COL9A1: variants seen among roughly 807,000 people sequenced by gnomAD.
The protein encoded by COL9A1 is collagen alpha-1(IX) chain.
In COL9A1, 104 loss-of-function variants were observed where a neutral mutation model predicts 142.6. That is an observed-to-expected ratio of 0.73 (90% CI 0.62 to 0.86). COL9A1 has a LOEUF of 0.86. Among genes scored for constraint, COL9A1 ranks in the 40% least tolerant of loss-of-function variants. The probability of loss-of-function intolerance (pLI) is 0.00; values close to 1 mark genes in which losing one functional copy is unlikely to be tolerated. For missense variants in COL9A1, 1,210 were observed against 1,176.6 expected, an observed-to-expected ratio of 1.03 and a Z score of -0.42; for synonymous variants, 466 against 396.0, an observed-to-expected ratio of 1.18 and a Z score of -2.10.
intron 21 of COL9A1, among the ~76,000 whole-genome samples, chr6:70,256,067 A>G (rs1190177256): frequency 6.6e-6 from 1 of 152,128 alleles, no homozygotes; most frequent in Non-Finnish European, 1.5e-5. Flanking sequence ...ATGACAGCAC[A>G]CATAACCCCA....
At chr6:70,223,334 GTTTC>G (rs796606487) in intron 37 of COL9A1, among the ~76,000 whole-genome samples, 9 of 152,258 alleles carry the variant, frequency 5.9e-5, no homozygotes, top group African/African-American at 1.4e-4. Flanking sequence ...CATGGATTGA[GTTTC>G]TTTATTTCTC....
chr6:70,297,141 G>A (rs1039066602), intron 4 of COL9A1, among the ~76,000 whole-genome samples: 1 of 152,032 alleles, frequency 6.6e-6, no homozygotes, highest in Admixed American at 6.6e-5. Context: ...TTATGTTAAA[G>A]GTAGGAAAGA....
intron 5 of COL9A1, among the ~76,000 whole-genome samples, chr6:70,285,612 A>G (rs748261514): frequency 1.4e-4 from 21 of 152,262 alleles, no homozygotes; most frequent in Non-Finnish European, 2.4e-4. Context: ...ATGTCCCAAT[A>G]GAAGCCAAAC....
At chr6:70,254,754 C>A (rs1318775018) in intron 24 of COL9A1, 9 of 679,948 alleles carry the variant, frequency 1.3e-5, no homozygotes, top group Non-Finnish European at 2.0e-5. Context: ...ATCAACAGGG[C>A]AATTTTACTG....
rs73747748 is a variant in COL9A1, at chr6:70,292,951, C to T, written c.696+1216G>A. ...GAGTCTACAAGCCAGAGCAGTAACA[C>T]GGCAGTTACAAATTGCTTCCCGTCC... On this transcript the variant is annotated intron_variant, in intron 5 of 37. Coordinates refer to ENST00000357250, the MANE Select transcript of COL9A1 (RefSeq NM_001851.6). Among the ~76,000 whole-genome samples the T allele has an allele frequency of 9.6e-3, 1,456 of 152,292 alleles. 17 individuals carry two copies. The highest frequency in any genetic ancestry group is 0.033 in the African/African-American group (1,369 of 41,570).
chr6:70,302,115 C>T (rs759637117), intron 1 of COL9A1, 41 bp from the exon 2 acceptor site: 76 of 1,401,756 alleles, frequency 5.4e-5, no homozygotes, highest in Middle Eastern at 1.8e-4. Flanking sequence ...CAGGAGTCCC[C>T]GCAGATGGAA....
At position 70,256,885 on chromosome 6, in the gene COL9A1, A is replaced by G. The variant is rs1771338780; in HGVS notation, c.1450-64T>C. ...GTCATGTATGTTAAAGGAAGCATCC[A>G]TCTTTCTAAAGAAATTTAATAGCCA... On this transcript the variant is annotated intron_variant, in intron 20 of 37. Transcript: ENST00000357250. The G allele has an allele frequency of 2.7e-6, 4 of 1,492,674 alleles. No homozygotes were observed. In the African/African-American group the frequency reaches 5.5e-5, roughly 21 times the overall value. The allele number at this position is 1,492,674 out of a possible 1,614,324, so 92.5% of individuals were successfully genotyped here. A position where few individuals can be genotyped will look rare whatever the true frequency, so the allele number is the denominator to read the frequency against.
intron 37 of COL9A1, among the ~76,000 whole-genome samples, chr6:70,223,588 TA>T (rs1430875803): frequency 3.3e-5 from 5 of 152,234 alleles, no homozygotes; most frequent in Non-Finnish European, 5.9e-5. Context: ...GACTTGAGCA[TA>T]TGCACGGTGT....
At position 70,264,023 on chromosome 6, in the gene COL9A1, T is replaced by G. The variant is rs143305055; in HGVS notation, c.1342-726A>C. Among the ~76,000 whole-genome samples the G allele has an allele frequency of 3.1e-3, 473 of 152,024 alleles. 1 individual carries two copies. The highest frequency in any genetic ancestry group is 0.011 in the African/African-American group (439 of 41,538). On this transcript the variant is annotated intron_variant, in intron 18 of 37. Transcript: ENST00000357250. Reference sequence around the variant, plus strand: ...CCAATAATAGATTCTCTCCACACAGTTTTCAAAATTCATCCTTAACATATA... The same window carrying G: ...CCAATAATAGATTCTCTCCACACAGGTTTCAAAATTCATCCTTAACATATA...
chr6:70,233,733 A>G (rs1363816906), intron 35 of COL9A1, among the ~76,000 whole-genome samples: 3 of 152,228 alleles, frequency 2.0e-5, no homozygotes, highest in Non-Finnish European at 4.4e-5. Flanking sequence ...TGCTTTTCAA[A>G]TATAGAAGTG....
intron 2 of COL9A1, among the ~76,000 whole-genome samples, chr6:70,301,006 A>G (rs1226684655): frequency 2.0e-5 from 3 of 152,182 alleles, no homozygotes; most frequent in Non-Finnish European, 4.4e-5. Context: ...AATTCGTTCT[A>G]AGAGATCAAA....
intron 10 of COL9A1, chr6:70,279,975 C>G (rs1252821654): frequency 2.9e-6 from 2 of 689,732 alleles, no homozygotes; most frequent in Non-Finnish European, 2.7e-6. Context: ...CCATTTCTTA[C>G]TTCACTTCAT....
Position 70,217,451 on chromosome 6 carries a change from T to C in COL9A1, c.2582-370A>G, listed in dbSNP as rs546784496. Reference sequence around the variant, plus strand: ...ACACACCTGGATTTTAAAGACTTGATATGAAAAAATGTAAAATAGTTCATT... The same window carrying C: ...ACACACCTGGATTTTAAAGACTTGACATGAAAAAATGTAAAATAGTTCATT... On this transcript the variant is annotated intron_variant, in intron 37 of 37. Transcript: ENST00000357250. Among the ~76,000 whole-genome samples the C allele has an allele frequency of 1.4e-4, 22 of 152,318 alleles. No individual in the cohort carries two copies. In the Middle Eastern group the frequency reaches 0.014, roughly 94 times the overall value.
chr6:70,294,196 G>A lies in COL9A1; in HGVS notation c.667C>T (p.Leu223Phe). 1 of 1,613,994 alleles carries A rather than the reference G, an allele frequency of 6.2e-7. No individual in the cohort carries two copies. Among genetic ancestry groups the A allele is most frequent in the Non-Finnish European group, 8.5e-7 (1 of 1,179,918 alleles). The change falls in exon 5 of 38, where the codon CTT becomes TTT. Residue 223 changes from leucine (L) to phenylalanine (F), a missense_variant. Transcript: ENST00000357250. ...ACAGAAACTTGAGGATTATCTGCAA[G>A]TTTTCCCAGCACAGCAAAGCCATCA... ...DIDGFAVLGKLADNPQVSVPF... is the reference protein window; with the variant it reads ...DIDGFAVLGKFADNPQVSVPF...
Position 70,242,027 on chromosome 6 carries a change from C to A in COL9A1, c.1935G>T (p.Leu645=). Residue 645 remains leucine (L), a synonymous_variant, in exon 30 of 38, where the codon CTG becomes CTT. Coordinates refer to ENST00000357250, the MANE Select transcript of COL9A1 (RefSeq NM_001851.6). ...SPGLPGKLGS[L]GSPGLPGLPG... ...GCAAGCCAGGGAGGCCAGGGCTACC[C>A]AGAGAACCCTGGAAAGCAAAAACAA... 1 of 1,594,186 alleles carries A rather than the reference C, an allele frequency of 6.3e-7. No homozygotes were observed. Among genetic ancestry groups the A allele is most frequent in the Non-Finnish European group, 8.6e-7 (1 of 1,168,832 alleles).
intron 4 of COL9A1, 27 bp from the exon 5 acceptor site, chr6:70,294,590 A>T: frequency 6.2e-7 from 1 of 1,609,938 alleles, no homozygotes; most frequent in Non-Finnish European, 8.5e-7. Context: ...AATAGTAAAC[A>T]TGCATCTTGT....
At position 70,271,643 on chromosome 6, in the gene COL9A1, T is replaced by G; in HGVS notation, c.1143+12A>C. The G allele has an allele frequency of 6.2e-7, 1 of 1,612,594 alleles. No homozygotes were observed. The highest frequency in any genetic ancestry group is 1.7e-5 in the Admixed American group (1 of 60,022). The stretch of plus-strand genomic sequence containing the variant: ...TCAGCAAACGTCTATCAAAGTGCAC[T>G]GTGGTACTCACAACAGGTCCTACAC... On this transcript the variant is annotated intron_variant, in intron 14 of 37. Coordinates refer to ENST00000357250, the MANE Select transcript of COL9A1 (RefSeq NM_001851.6).
At chr6:70,216,096 A>T (rs1768486420), downstream of COL9A1, 1 of 152,658 alleles carries the variant, frequency 6.6e-6, no homozygotes, top group Non-Finnish European at 1.5e-5. Context: ...TTCATTGAAC[A>T]TGATTATTTA....
chr6:70,276,685 T>C (rs1156295381), intron 10 of COL9A1, among the ~76,000 whole-genome samples: 2 of 152,160 alleles, frequency 1.3e-5, no homozygotes, highest in Non-Finnish European at 2.9e-5. Context: ...TCCATTACAG[T>C]CCTAACATGT....
Sources: gnomAD v4.1 joint callset for allele counts (sites outside exome capture counted in the v4.1 genomes callset) on GRCh38, gnomAD v4.1.1 for gene constraint, MANE v1.5 for transcripts, NCBI Gene and HGNC (gene_info 2026-07-23, HGNC 2026-07-21) for gene names.